SHCBP1: variants seen among roughly 807,000 people sequenced by gnomAD.
SHCBP1 encodes SHC SH2 domain-binding protein 1.
SHCBP1 carries 60 observed loss-of-function variants against 75.1 expected under a neutral mutation model. The ratio of observed to expected loss-of-function variants is 0.80; its 90% CI spans 0.65 to 0.99. SHCBP1 has a LOEUF of 0.99. Among genes scored for constraint, SHCBP1 ranks in the 50% least tolerant of loss-of-function variants. The probability of loss-of-function intolerance (pLI) is 0.00; values close to 1 mark genes in which losing one functional copy is unlikely to be tolerated. For missense variants in SHCBP1, 709 were observed against 809.4 expected, an observed-to-expected ratio of 0.88 and a Z score of 1.50; for synonymous variants, 290 against 293.2, an observed-to-expected ratio of 0.99 and a Z score of 0.11.
At chr16:46,602,851 A>G (rs1366708551) in intron 8 of SHCBP1, among the ~76,000 whole-genome samples, 1 of 152,134 alleles carries the variant, frequency 6.6e-6, no homozygotes, top group African/African-American at 2.4e-5. Context: ...GACTGGTCTC[A>G]AACTCCTGGC....
At chr16:46,595,353 T>C (rs952548468) in intron 10 of SHCBP1, among the ~76,000 whole-genome samples, 199 bp downstream of exon 10, 1 of 152,172 alleles carries the variant, frequency 6.6e-6, no homozygotes. Flanking sequence ...CATAAAGTCA[T>C]TGTGAGATGT....
intron 10 of SHCBP1, among the ~76,000 whole-genome samples, chr16:46,594,101 T>TTAAC (rs1429845463): frequency 6.6e-6 from 1 of 152,016 alleles, no homozygotes; most frequent in African/African-American, 2.4e-5. Context: ...TATACCAAAA[T>TTAAC]TAACTAGAAA....
rs1212300285 is a variant in SHCBP1 at position 46,582,064 on chromosome 16, C to G, written c.1694-10G>C. The G allele has an allele frequency of 6.3e-7, 1 of 1,585,710 alleles. No individual in the cohort carries two copies. Among genetic ancestry groups the G allele is most frequent in the African/African-American group, 1.4e-5 (1 of 73,434 alleles). ...TTAAGCGCTTTATTTTCTGGAGAAACAAACAAATAATAACAAAGTTAAATA... is the reference window on the plus strand; with the variant it reads ...TTAAGCGCTTTATTTTCTGGAGAAAGAAACAAATAATAACAAAGTTAAATA... On this transcript the variant is annotated splice_polypyrimidine_tract_variant and intron_variant, in intron 12 of 12. Transcript: ENST00000303383.
At chr16:46,603,934 A>C in intron 7 of SHCBP1, 41 bp downstream of exon 7, 1 of 1,569,054 alleles carries the variant, frequency 6.4e-7, no homozygotes, top group East Asian at 2.2e-5. Context: ...GGTGAATCAG[A>C]AGGAAAAAAA....
chr16:46,603,081 T>C (rs1030992104), intron 8 of SHCBP1, among the ~76,000 whole-genome samples: 3 of 152,222 alleles, frequency 2.0e-5, no homozygotes, highest in East Asian at 1.9e-4. Flanking sequence ...CCCTTCATTA[T>C]ACCTCTCACG....
At chr16:46,585,747 G>C (rs1456589262) in intron 10 of SHCBP1, among the ~76,000 whole-genome samples, 1 of 152,196 alleles carries the variant, frequency 6.6e-6, no homozygotes, top group African/African-American at 2.4e-5. Context: ...CCCTACTGGG[G>C]CAGTGTCAGA....
chr16:46,582,338 C>T (rs1278951055), intron 12 of SHCBP1, among the ~76,000 whole-genome samples: 1 of 152,178 alleles, frequency 6.6e-6, no homozygotes, highest in African/African-American at 2.4e-5. Context: ...TAAATGAAGT[C>T]CCAATCTAGC....
At chr16:46,590,617 A>T (rs1965030028) in intron 10 of SHCBP1, among the ~76,000 whole-genome samples, 1 of 152,264 alleles carries the variant, frequency 6.6e-6, no homozygotes. Flanking sequence ...ACACAATGAG[A>T]TACCATTTCA....
chr16:46,594,068 A>G (rs1965094657), intron 10 of SHCBP1, among the ~76,000 whole-genome samples: 1 of 152,188 alleles, frequency 6.6e-6, no homozygotes, highest in African/African-American at 2.4e-5. Context: ...AAAGAAATGA[A>G]CCATGACCTA....
At chr16:46,618,502 A>G (rs1172273863) in intron 1 of SHCBP1, 130 bp from the exon 2 acceptor site, 2 of 935,584 alleles carry the variant, frequency 2.1e-6, no homozygotes, top group Non-Finnish European at 2.9e-6. Flanking sequence ...ACTTACCTCT[A>G]CCATTGTGAG....
rs780839550 is a variant in SHCBP1, at chr16:46,608,306, C to T, written c.680G>A (p.Arg227Gln). The change falls in exon 5 of 13, where the codon CGA becomes CAA. Residue 227 changes from arginine to glutamine, a missense_variant. By Grantham distance (43) the Arg-to-Gln change is conservative (BLOSUM62 1). Transcript: ENST00000303383. The stretch of plus-strand genomic sequence containing the variant: ...AGCAATAAATACTTACAATCTTAAT[C>T]GAGGTTCAACACATCTGACAAAATA... ...YDYFVRCVEP[R>Q]LRLHYDILED... The T allele has an allele frequency of 3.9e-5, 63 of 1,610,244 alleles. No homozygotes were observed. Among genetic ancestry groups the T allele is most frequent in the Non-Finnish European group, 4.8e-5 (57 of 1,176,870 alleles).
chr16:46,617,646 C>T lies in SHCBP1; in HGVS notation c.375G>A (p.Lys125=). 1 of 1,613,938 alleles carries T rather than the reference C, an allele frequency of 6.2e-7. No individual in the cohort carries two copies. The highest frequency in any genetic ancestry group is 8.5e-7 in the Non-Finnish European group (1 of 1,179,966). ...WRAVWHTNVF[K]VLVEITDVDF... is the part of the protein sequence containing the mutation. ...AAATTAACCTTACCTCAACCAGCAC[C>T]TTGAACACATTAGTGTGCCAGACTG... Residue 125 remains lysine, a synonymous_variant, in exon 3 of 13, where the codon AAG becomes AAA. Transcript: ENST00000303383.
intron 10 of SHCBP1, among the ~76,000 whole-genome samples, chr16:46,585,520 C>CT (rs1964943319): frequency 6.6e-6 from 1 of 151,926 alleles, no homozygotes; most frequent in Non-Finnish European, 1.5e-5. Flanking sequence ...CAGACATACA[C>CT]CCAAAAAAAA....
intron 2 of SHCBP1, 113 bp downstream of exon 2, chr16:46,618,092 C>T: frequency 9.5e-7 from 1 of 1,051,042 alleles, no homozygotes. Flanking sequence ...AGGAGAATCA[C>T]CTGAACCTGG....
At chr16:46,608,255 AT>A (rs1326127942) in intron 5 of SHCBP1, 41 bp downstream of exon 5, 8 of 1,448,606 alleles carry the variant, frequency 5.5e-6, no homozygotes, top group Non-Finnish European at 6.8e-6. Flanking sequence ...ATGGGTAACT[AT>A]TTTTCCAACA....
chr16:46,606,075 A>G (rs1276627904), intron 5 of SHCBP1, among the ~76,000 whole-genome samples: 1 of 152,190 alleles, frequency 6.6e-6, no homozygotes, highest in Non-Finnish European at 1.5e-5. Flanking sequence ...AAATTTTAAA[A>G]TAAGTCTCTT....
At chr16:46,596,776 G>A (rs1265266019) in intron 9 of SHCBP1, among the ~76,000 whole-genome samples, 1 of 150,440 alleles carries the variant, frequency 6.6e-6, no homozygotes, top group Non-Finnish European at 1.5e-5. Flanking sequence ...TGCCTGGGCT[G>A]GAGTGCAGTG....
chr16:46,617,281 T>TA (rs896700493), intron 3 of SHCBP1, among the ~76,000 whole-genome samples: 3 of 151,912 alleles, frequency 2.0e-5, no homozygotes, highest in Non-Finnish European at 4.4e-5. Context: ...GACTTCATCT[T>TA]AAAAAAAATA....
chr16:46,584,116 C>A (rs1384638735), intron 10 of SHCBP1, 27 bp from the exon 11 acceptor site: 2 of 1,538,860 alleles, frequency 1.3e-6, no homozygotes, highest in Non-Finnish European at 1.8e-6. Flanking sequence ...GAGATAATGA[C>A]AATCAGTTTT....
Sources: allele counts gnomAD v4.1 joint callset (sites outside exome capture counted in the v4.1 genomes callset), GRCh38; gene constraint gnomAD v4.1.1; transcripts MANE v1.5; gene names NCBI Gene and HGNC (gene_info 2026-07-23, HGNC 2026-07-21).